The following SPMIP2 variants were observed in gnomAD, a reference collection of about 807,000 sequenced individuals.
SPMIP2 encodes protein SPMIP2.
At chr4:159,005,220 T>C in the SPMIP2 span, among the ~76,000 whole-genome samples, 1 of 22,392 alleles carries the variant, frequency 4.5e-5, no homozygotes, top group Non-Finnish European at 7.7e-5. Flanking sequence ...AGACTCCGCC[T>C]CAAAAAAAAA....
At chr4:159,059,486 C>A in the SPMIP2 span, among the ~76,000 whole-genome samples, 3 of 152,216 alleles carry the variant, frequency 2.0e-5, no homozygotes, top group African/African-American at 7.2e-5. Context: ...TGTCCTATGG[C>A]CTCAGCCTCC....
At chr4:158,918,624 A>G in the SPMIP2 span, among the ~76,000 whole-genome samples, 2 of 152,248 alleles carry the variant, frequency 1.3e-5, no homozygotes, top group Non-Finnish European at 2.9e-5. Context: ...TAAATTCAGT[A>G]TCTCCTACAT....
chr4:159,051,920 C>G, the SPMIP2 span, among the ~76,000 whole-genome samples: 1 of 152,080 alleles, frequency 6.6e-6, no homozygotes, highest in African/African-American at 2.4e-5. Context: ...ATTTCCTCTC[C>G]TTCACAGGCA....
At chr4:159,004,144 G>A in the SPMIP2 span, among the ~76,000 whole-genome samples, 1 of 151,982 alleles carries the variant, frequency 6.6e-6, no homozygotes, top group African/African-American at 2.4e-5. Flanking sequence ...TGCCTCCCAA[G>A]TAGCTGGGAC....
chr4:159,062,960 C>G, the SPMIP2 span, among the ~76,000 whole-genome samples: 6 of 151,394 alleles, frequency 4.0e-5, no homozygotes. Flanking sequence ...TCCAAAGAGC[C>G]GGGATTACAG....
chr4:159,015,697 C>A, the SPMIP2 span, among the ~76,000 whole-genome samples: 1 of 152,084 alleles, frequency 6.6e-6, no homozygotes, highest in African/African-American at 2.4e-5. Context: ...TGAATAATAT[C>A]ACTTCTCGGC....
the SPMIP2 span, among the ~76,000 whole-genome samples, chr4:158,922,092 G>A: frequency 6.6e-6 from 1 of 152,080 alleles, no homozygotes; most frequent in Non-Finnish European, 1.5e-5. Context: ...GTTTCACTGT[G>A]TTAGCCAGGA....
At chr4:158,968,541 C>T in the SPMIP2 span, among the ~76,000 whole-genome samples, 8 of 152,128 alleles carry the variant, frequency 5.3e-5, no homozygotes, top group Non-Finnish European at 8.8e-5. Flanking sequence ...ATGTTCTGAT[C>T]TCATTGTCTA....
At chr4:159,052,938 C>CTATTATTAT in the SPMIP2 span, among the ~76,000 whole-genome samples, 4 of 127,108 alleles carry the variant, frequency 3.1e-5, no homozygotes, top group Admixed American at 8.1e-5. Flanking sequence ...GCCTGGTCGA[C>CTATTATTAT]TATTATTATT....
chr4:158,946,241 T>C, the SPMIP2 span, among the ~76,000 whole-genome samples: 2 of 152,238 alleles, frequency 1.3e-5, no homozygotes, highest in Admixed American at 6.5e-5. Flanking sequence ...AAAATCACAG[T>C]ACAGTCTCTT....
the SPMIP2 span, among the ~76,000 whole-genome samples, chr4:158,922,554 GATCAT>G: frequency 2.0e-5 from 3 of 152,178 alleles, no homozygotes; most frequent in Non-Finnish European, 4.4e-5. Context: ...CAGATTGTTA[GATCAT>G]ATCATTCAAT....
At chr4:158,975,264 G>A in the SPMIP2 span, among the ~76,000 whole-genome samples, 2 of 10,136 alleles carry the variant, frequency 2.0e-4, no homozygotes, top group South Asian at 0.056. Context: ...TCACTCTGAT[G>A]ATAGTTTTTT....
the SPMIP2 span, chr4:159,026,515 A>G: frequency 1.6e-6 from 1 of 615,126 alleles, no homozygotes; most frequent in Non-Finnish European, 3.0e-6. Context: ...GATCTATAAA[A>G]AAGTAGAATA....
At chr4:158,924,727 C>T in the SPMIP2 span, among the ~76,000 whole-genome samples, 1 of 152,248 alleles carries the variant, frequency 6.6e-6, no homozygotes, top group Non-Finnish European at 1.5e-5. Context: ...CCAGGTTATA[C>T]TTGAACTTCT....
the SPMIP2 span, among the ~76,000 whole-genome samples, chr4:158,944,642 CTCA>C: frequency 6.6e-6 from 1 of 152,310 alleles, no homozygotes; most frequent in Middle Eastern, 3.4e-3. Flanking sequence ...TCCACCTGAA[CTCA>C]TCATCTTCCC....
chr4:158,919,249 G>A, the SPMIP2 span, among the ~76,000 whole-genome samples: 5 of 152,126 alleles, frequency 3.3e-5, no homozygotes, highest in African/African-American at 7.2e-5. Context: ...TACTACCATC[G>A]AATGCTCAGA....
At chr4:159,001,757 T>C in the SPMIP2 span, among the ~76,000 whole-genome samples, 1 of 152,204 alleles carries the variant, frequency 6.6e-6, no homozygotes, top group African/African-American at 2.4e-5. Context: ...TAATGGGCAT[T>C]TAGTTTGATT....
the SPMIP2 span, among the ~76,000 whole-genome samples, chr4:159,076,425 T>C: frequency 6.6e-6 from 1 of 152,224 alleles, no homozygotes; most frequent in Admixed American, 6.5e-5. Context: ...TCTATCTATG[T>C]AATGTCTTGT....
the SPMIP2 span, among the ~76,000 whole-genome samples, chr4:158,917,877 C>G: frequency 7.2e-4 from 110 of 151,768 alleles, no homozygotes; most frequent in African/African-American, 2.6e-3. Context: ...GCCTGCCAAG[C>G]CTGGCTAATT....
Sources: allele counts gnomAD v4.1 joint callset (sites outside exome capture counted in the v4.1 genomes callset), GRCh38; gene constraint gnomAD v4.1.1; transcripts MANE v1.5; gene names NCBI Gene and HGNC (gene_info 2026-07-23, HGNC 2026-07-21).